The following PPM1L variants were observed in gnomAD, a reference collection of about 807,000 sequenced individuals.
PPM1L encodes the protein protein phosphatase 1L.
A neutral mutation model predicts 31.4 loss-of-function variants in PPM1L; 13 were observed. The ratio of observed to expected loss-of-function variants is 0.41; its 90% confidence interval spans 0.27 to 0.66. PPM1L has a LOEUF of 0.66. PPM1L is among the 30% of genes least tolerant of loss of function. The pLI is 0.29. For missense variants in PPM1L, 326 were observed against 453.7 expected (o/e 0.72, Z 2.56); for synonymous variants, 184 against 175.4 (o/e 1.05, Z -0.39).
At chr3:160,809,506 A>C (rs1328485001) in intron 1 of PPM1L, among the ~76,000 whole-genome samples, 1 of 152,098 alleles carries the variant, frequency 6.6e-6, no homozygotes, top group Non-Finnish European at 1.5e-5. Context: ...ATATTTCCAG[A>C]CAGATGACCT....
intron 1 of PPM1L, among the ~76,000 whole-genome samples, chr3:160,854,585 A>G (rs551073223): frequency 1.3e-5 from 2 of 152,108 alleles, no homozygotes; most frequent in South Asian, 2.1e-4. Context: ...ACACAATTCA[A>G]TTCACAGTAG....
At chr3:161,065,375 C>G in intron 2 of PPM1L, 28 bp from the exon 3 acceptor site, 1 of 1,608,820 alleles carries the variant, frequency 6.2e-7, no homozygotes. Context: ...GCTGACCTCC[C>G]GCGTTCTCTC....
intron 1 of PPM1L, among the ~76,000 whole-genome samples, chr3:160,932,644 A>G (rs530671372): frequency 1.8e-4 from 27 of 152,292 alleles, no homozygotes; most frequent in African/African-American, 6.5e-4. Flanking sequence ...ATCTTAGTCT[A>G]TCAAATCATT....
At chr3:160,863,554 G>C (rs1711977945) in intron 1 of PPM1L, among the ~76,000 whole-genome samples, 1 of 152,178 alleles carries the variant, frequency 6.6e-6, no homozygotes, top group African/African-American at 2.4e-5. Context: ...TCCAACCCTA[G>C]GTCTTAGGTT....
At chr3:160,882,326 A>C (rs1225180807) in intron 1 of PPM1L, 1 of 152,222 alleles carries the variant, frequency 6.6e-6, no homozygotes, top group African/African-American at 2.4e-5. Flanking sequence ...CAGGGTAAGC[A>C]CTTAGTTGAA....
At position 161,072,136 on chromosome 3, in the gene PPM1L, GGA is replaced by G. The variant is rs1234103306; in HGVS notation, c.*2980_*2981del. 7.6e-6 allele frequency: 1 copy of G among 131,442 alleles called. No homozygotes were observed. Among genetic ancestry groups the G allele is most frequent in the African/African-American group, 3.4e-5 (1 of 29,254 alleles). 8.1% of individuals were successfully genotyped at this position (131,442 alleles called of 1,614,324 possible). On this transcript the variant is annotated 3_prime_UTR_variant, in exon 4 of 4. Transcript: ENST00000498165. ...CATAGGTTGGGGGAGGGACAGCTAG[GGA>G]AATTTTTTTTAATTAATTGTATCTA...
rs1422835678 is a variant in PPM1L at position 160,860,789 on chromosome 3, A to G, written c.400-100947A>G. On this transcript the variant is annotated intron_variant, in intron 1 of 3. Transcript: ENST00000498165. Reference sequence around the variant, plus strand: ...GGTGTCTGATGAGGTTCCTCTTCCTACTTTGCAGGTGGCTGCCTTCCTGCG... The same window carrying G: ...GGTGTCTGATGAGGTTCCTCTTCCTGCTTTGCAGGTGGCTGCCTTCCTGCG... Among the ~76,000 whole-genome samples, 4 of 152,268 alleles carry G rather than the reference A, an allele frequency of 2.6e-5. No individual in the cohort carries two copies. In the East Asian group the frequency reaches 7.7e-4, roughly 29 times the overall value.
At chr3:160,774,460 A>G (rs770089264) in intron 1 of PPM1L, among the ~76,000 whole-genome samples, 3 of 152,170 alleles carry the variant, frequency 2.0e-5, no homozygotes, top group Non-Finnish European at 4.4e-5. Flanking sequence ...TAAATCTTCT[A>G]TTAATAAACC....
intron 1 of PPM1L, among the ~76,000 whole-genome samples, chr3:160,948,269 G>A (rs1715471518): frequency 6.6e-6 from 1 of 152,148 alleles, no homozygotes; most frequent in Admixed American, 6.6e-5. Flanking sequence ...ACAAGCAGGT[G>A]CAGTCACTGC....
At chr3:160,989,721 G>A (rs1047962792) in intron 2 of PPM1L, among the ~76,000 whole-genome samples, 36 of 151,382 alleles carry the variant, frequency 2.4e-4, no homozygotes, top group African/African-American at 7.5e-4. Flanking sequence ...ATGCAGTGGC[G>A]TGATCATAGC....
chr3:161,029,149 T>C (rs1398172127), intron 2 of PPM1L, among the ~76,000 whole-genome samples: 1 of 152,212 alleles, frequency 6.6e-6, no homozygotes, highest in Non-Finnish European at 1.5e-5. Flanking sequence ...AGGGCAGATA[T>C]GGATTTGAAG....
chr3:160,887,573 C>T (rs1475568378), intron 1 of PPM1L, among the ~76,000 whole-genome samples: 1 of 142,624 alleles, frequency 7.0e-6, no homozygotes, highest in Non-Finnish European at 1.5e-5. Flanking sequence ...TAATATTCAA[C>T]TTTTTTTTTT....
chr3:160,892,911 C>T (rs1004277483), intron 1 of PPM1L, among the ~76,000 whole-genome samples: 1 of 152,006 alleles, frequency 6.6e-6, no homozygotes, highest in African/African-American at 2.4e-5. Context: ...TTCTTTTGGC[C>T]ATATAACAGG....
chr3:161,033,635 CT>C, intron 2 of PPM1L, among the ~76,000 whole-genome samples: 1 of 152,244 alleles, frequency 6.6e-6, no homozygotes, highest in South Asian at 2.1e-4. Context: ...AACTGGCTAG[CT>C]ATATGTAGAA....
intron 2 of PPM1L, among the ~76,000 whole-genome samples, chr3:161,022,002 A>G (rs1718247110): frequency 6.6e-6 from 1 of 152,078 alleles, no homozygotes. Context: ...TGTTTAAGGT[A>G]ATTACCTACA....
chr3:161,029,204 C>T (rs1382479214), intron 2 of PPM1L, among the ~76,000 whole-genome samples: 2 of 152,162 alleles, frequency 1.3e-5, no homozygotes, highest in Non-Finnish European at 2.9e-5. Context: ...TGGTGGCCAA[C>T]ATTTTACATA....
At chr3:160,906,585 A>G (rs1713766349) in intron 1 of PPM1L, among the ~76,000 whole-genome samples, 1 of 150,448 alleles carries the variant, frequency 6.6e-6, no homozygotes, top group African/African-American at 2.4e-5. Flanking sequence ...CTGACAACAG[A>G]GTGAGACTCT....
At chr3:160,857,164 A>T (rs979872722) in intron 1 of PPM1L, among the ~76,000 whole-genome samples, 14 of 151,968 alleles carry the variant, frequency 9.2e-5, no homozygotes, top group African/African-American at 1.2e-4. Flanking sequence ...AAATACGGAA[A>T]TTTTTTTTGC....
intron 1 of PPM1L, among the ~76,000 whole-genome samples, chr3:160,806,824 A>G (rs1358385913): frequency 3.3e-5 from 5 of 151,498 alleles, no homozygotes; most frequent in African/African-American, 1.2e-4. Context: ...AAAGAAAAAG[A>G]AAAGAAAGAA....
Sources: allele counts gnomAD v4.1 joint callset (sites outside exome capture counted in the v4.1 genomes callset), GRCh38; gene constraint gnomAD v4.1.1; transcripts MANE v1.5; gene names NCBI Gene and HGNC (gene_info 2026-07-23, HGNC 2026-07-21).